Variants in ATP8A2 observed in about 807,000 individuals in gnomAD.
The protein encoded by ATP8A2 is phospholipid-transporting ATPase IB.
In ATP8A2, 100 loss-of-function variants were observed where a neutral mutation model predicts 165.6. That is an observed-to-expected ratio of 0.60 (90% CI 0.51 to 0.71). The LOEUF is 0.71. Ranked by LOEUF, ATP8A2 falls within the 30% of genes least tolerant of loss-of-function variation. The pLI, the probability that ATP8A2 is intolerant of heterozygous loss-of-function variation, is 0.00. For synonymous variants in ATP8A2, 543 were observed against 548.8 expected, an observed-to-expected ratio of 0.99 and a Z score of 0.15; for missense variants, 1,227 against 1,479.5, an observed-to-expected ratio of 0.83 and a Z score of 2.80.
At chr13:25,957,398 G>A (rs951262303) in intron 33 of ATP8A2, among the ~76,000 whole-genome samples, 3 of 152,108 alleles carry the variant, frequency 2.0e-5, no homozygotes, top group African/African-American at 7.2e-5. Context: ...GTATCTACAA[G>A]GAACTTAAAC....
In ATP8A2 at chr13:26,021,722, G is replaced by C. The variant is rs1355389637; in HGVS notation, c.*1737G>C. ...AAAATGGGAGTGGAGAGCATGTTTTGGATTTTCACTGTGGGGAAATGAATG... is the reference window on the plus strand; with the variant it reads ...AAAATGGGAGTGGAGAGCATGTTTTCGATTTTCACTGTGGGGAAATGAATG... On this transcript the variant is annotated 3_prime_UTR_variant, in exon 37 of 37. Coordinates refer to ENST00000381655, the MANE Select transcript of ATP8A2 (RefSeq NM_016529.6). The C allele has an allele frequency of 6.6e-6, 1 of 152,098 alleles. No individual in the cohort carries two copies. Among genetic ancestry groups the C allele is most frequent in the East Asian group, 1.9e-4 (1 of 5,182 alleles). 9.4% of individuals were successfully genotyped at this position (152,098 alleles called of 1,614,324 possible).
intron 27 of ATP8A2, among the ~76,000 whole-genome samples, chr13:25,807,891 C>CT (rs1306277793): frequency 8.5e-5 from 13 of 152,096 alleles, no homozygotes; most frequent in Admixed American, 4.6e-4. Flanking sequence ...GGTAAATTTC[C>CT]TTTTAATATT....
At chr13:25,812,385 A>G (rs1302103327) in intron 27 of ATP8A2, among the ~76,000 whole-genome samples, 1 of 51,304 alleles carries the variant, frequency 1.9e-5, no homozygotes, top group Non-Finnish European at 4.2e-5. Context: ...GCTCTCCAGG[A>G]GGGCACCATT....
intron 33 of ATP8A2, among the ~76,000 whole-genome samples, chr13:25,898,883 G>A (rs1307265347): frequency 1.3e-5 from 2 of 152,194 alleles, no homozygotes; most frequent in East Asian, 1.9e-4. Flanking sequence ...TTGGAAAAGC[G>A]CAGTATTAGG....
chr13:25,373,360 TGTTTG>T (rs146103149), intron 1 of ATP8A2, among the ~76,000 whole-genome samples: 6,660 of 152,322 alleles, frequency 0.044, 232 homozygotes, highest in Admixed American at 0.11. Flanking sequence ...TTTAAGCCAA[TGTTTG>T]TTAAACTTGG....
intron 1 of ATP8A2, among the ~76,000 whole-genome samples, chr13:25,378,074 C>G (rs1459627705): frequency 6.6e-6 from 1 of 151,858 alleles, no homozygotes; most frequent in Admixed American, 6.6e-5. Flanking sequence ...GCTACTGCAC[C>G]AGTGCATTCC....
chr13:25,541,400 G>A (rs1254870892), intron 8 of ATP8A2, among the ~76,000 whole-genome samples: 2 of 152,050 alleles, frequency 1.3e-5, no homozygotes, highest in Non-Finnish European at 2.9e-5. Flanking sequence ...GCACATACCT[G>A]TAGTCCCAGC....
At chr13:25,426,838 C>G (rs76101611) in intron 1 of ATP8A2, among the ~76,000 whole-genome samples, 2,046 of 152,038 alleles carry the variant, frequency 0.013, 47 homozygotes, top group African/African-American at 0.047. Flanking sequence ...CCCAGCTACT[C>G]GGGAGGCTGA....
At chr13:25,703,753 A>G (rs2042999502) in intron 25 of ATP8A2, among the ~76,000 whole-genome samples, 1 of 152,194 alleles carries the variant, frequency 6.6e-6, no homozygotes, top group African/African-American at 2.4e-5. Flanking sequence ...CAGAGCCAGG[A>G]AGCAGGCTAG....
rs570335182 is a variant in ATP8A2 at position 25,409,927 on chromosome 13, A to G, written c.76+37639A>G. ...ACAGTTATGTGTGCTGCCTTCCAGT[A>G]TTGGCTGCTTTTTAATGTGTGTATG... On this transcript the variant is annotated intron_variant, in intron 1 of 36. Transcript: ENST00000381655. Among the ~76,000 whole-genome samples the G allele has an allele frequency of 9.9e-5, 15 of 152,028 alleles. No homozygotes were observed. In the South Asian group the frequency reaches 3.1e-3, roughly 32 times the overall value.
chr13:25,749,919 A>G (rs541651722), intron 25 of ATP8A2, among the ~76,000 whole-genome samples: 1 of 152,202 alleles, frequency 6.6e-6, no homozygotes, highest in Non-Finnish European at 1.5e-5. Flanking sequence ...CCTGGCTACT[A>G]AGGAGGCTGA....
At chr13:25,798,455 A>G (rs1481626146) in intron 27 of ATP8A2, among the ~76,000 whole-genome samples, 5 of 152,172 alleles carry the variant, frequency 3.3e-5, no homozygotes, top group South Asian at 2.1e-4. Flanking sequence ...ATGCACTTTG[A>G]TGTAACTCTT....
intron 25 of ATP8A2, among the ~76,000 whole-genome samples, chr13:25,733,534 A>G (rs1277449250): frequency 6.6e-6 from 1 of 151,736 alleles, no homozygotes; most frequent in African/African-American, 2.4e-5. Context: ...AACCTCTGTC[A>G]TTAGCACTCT....
At chr13:25,792,963 AAGGAGAGGGG>A (rs2045218491) in intron 27 of ATP8A2, among the ~76,000 whole-genome samples, 1 of 145,998 alleles carries the variant, frequency 6.8e-6, no homozygotes, top group African/African-American at 2.5e-5. Context: ...AGAAGGAAGG[AAGGAGAGGGG>A]AGGAGAGGAG....
intron 24 of ATP8A2, among the ~76,000 whole-genome samples, chr13:25,679,272 A>T (rs2042434175): frequency 6.6e-6 from 1 of 152,212 alleles, no homozygotes; most frequent in Non-Finnish European, 1.5e-5. Flanking sequence ...CTACTGGAAC[A>T]TCCTGATAAA....
At chr13:25,910,089 G>A (rs556650983) in intron 33 of ATP8A2, among the ~76,000 whole-genome samples, 16 of 152,288 alleles carry the variant, frequency 1.1e-4, no homozygotes, top group Non-Finnish European at 1.3e-4. Flanking sequence ...GAAGAATACC[G>A]CAGTGAAAAG....
chr13:25,892,886 G>C (rs1019710086), intron 33 of ATP8A2, among the ~76,000 whole-genome samples: 1 of 151,808 alleles, frequency 6.6e-6, no homozygotes, highest in Non-Finnish European at 1.5e-5. Flanking sequence ...AATACCCAGG[G>C]CTGAAAACAT....
At chr13:25,562,378 G>T (rs2039183433) in intron 15 of ATP8A2, among the ~76,000 whole-genome samples, 1 of 152,112 alleles carries the variant, frequency 6.6e-6, no homozygotes, top group South Asian at 2.1e-4. Flanking sequence ...CCTTATAAAT[G>T]GTGATGCTGT....
At chr13:25,768,376 A>G (rs1285005184) in intron 25 of ATP8A2, among the ~76,000 whole-genome samples, 2 of 152,076 alleles carry the variant, frequency 1.3e-5, no homozygotes, top group Non-Finnish European at 2.9e-5. Flanking sequence ...AACCCTTCCT[A>G]TGCAGGGGCT....
Sources: allele counts gnomAD v4.1 joint callset (sites outside exome capture counted in the v4.1 genomes callset), GRCh38; gene constraint gnomAD v4.1.1; transcripts MANE v1.5; gene names NCBI Gene and HGNC (gene_info 2026-07-23, HGNC 2026-07-21).